Variants in DNAAF5 observed in about 807,000 individuals in gnomAD.
DNAAF5 encodes the protein HEAT repeat containing 2.
Under a neutral mutation model 75.8 loss-of-function variants are expected in DNAAF5, and 64 were observed. The ratio of observed to expected loss-of-function variants is 0.84; its 90% CI spans 0.69 to 1.04. The LOEUF (loss-of-function observed/expected upper bound fraction) is 1.04, where lower values mean the gene tolerates loss of function less well. Ranked by LOEUF, DNAAF5 falls within the 50% of genes least tolerant of loss-of-function variation. DNAAF5 has a pLI of 0.00. For synonymous variants in DNAAF5, 657 were observed against 557.2 expected, an observed-to-expected ratio of 1.18 and a Z score of -2.52; for missense variants, 1,269 against 1,178.5, an observed-to-expected ratio of 1.08 and a Z score of -1.12.
At chr7:782,065 T>C (rs1778967014) in intron 12 of DNAAF5, among the ~76,000 whole-genome samples, 1 of 152,198 alleles carries the variant, frequency 6.6e-6, no homozygotes, top group South Asian at 2.1e-4. Context: ...CGCAGCTGCG[T>C]CCGGTTTCCC....
chr7:757,305 T>C (rs1418657970), intron 6 of DNAAF5, among the ~76,000 whole-genome samples: 1 of 52,678 alleles, frequency 1.9e-5, no homozygotes, highest in Non-Finnish European at 4.5e-5. Context: ...GCCCCTTTCT[T>C]GGCCACACAC....
intron 4 of DNAAF5, among the ~76,000 whole-genome samples, chr7:752,561 A>G (rs959617248): frequency 1.3e-5 from 2 of 149,104 alleles, no homozygotes; most frequent in Non-Finnish European, 3.0e-5. Context: ...AAAAGACTGC[A>G]GAGTGACGAC....
At chr7:739,012 C>T (rs892413962) in intron 2 of DNAAF5, among the ~76,000 whole-genome samples, 3 of 152,218 alleles carry the variant, frequency 2.0e-5, no homozygotes, top group Admixed American at 1.3e-4. Flanking sequence ...CCCTGGACGC[C>T]TGCCCATCTC....
intron 1 of DNAAF5, chr7:727,794 C>T (rs1223965811): frequency 7.0e-6 from 1 of 143,776 alleles, no homozygotes; most frequent in Non-Finnish European, 1.5e-5. Flanking sequence ...CCGCGACCCT[C>T]ACCTCCCACC....
chr7:774,605 C>G (rs1181004345), intron 10 of DNAAF5, among the ~76,000 whole-genome samples: 1 of 152,188 alleles, frequency 6.6e-6, no homozygotes, highest in Non-Finnish European at 1.5e-5. Context: ...TGTCAGAAAA[C>G]AGACACTGAT....
chr7:750,134 C>T (rs956438108), intron 4 of DNAAF5, among the ~76,000 whole-genome samples: 2 of 152,190 alleles, frequency 1.3e-5, no homozygotes, highest in Non-Finnish European at 2.9e-5. Context: ...CATTGTGTTT[C>T]TCCTTTTTCT....
rs989072661 is a variant in DNAAF5, at chr7:764,062, C to T, written c.1783+88C>T. The T allele has an allele frequency of 5.6e-5, 79 of 1,416,102 alleles. 1 individual carries two copies. The African/African-American group carries it at 7.0e-4, about 13-fold the overall frequency. 87.7% of individuals were successfully genotyped at this position (1,416,102 alleles called of 1,614,324 possible). A position where few individuals can be genotyped will look rare whatever the true frequency, so the allele number is the denominator to read the frequency against. On this transcript the variant is annotated intron_variant, in intron 8 of 12. Transcript: ENST00000297440. Reference sequence around the variant, plus strand: ...CCAGGTGCTCAGCAGGTACCAGCGCCGACCAGCTGAGCTGTGGTTCACTGA... The same window carrying T: ...CCAGGTGCTCAGCAGGTACCAGCGCTGACCAGCTGAGCTGTGGTTCACTGA...
chr7:734,747 A>G (rs894994942), intron 2 of DNAAF5, among the ~76,000 whole-genome samples: 2 of 152,194 alleles, frequency 1.3e-5, no homozygotes, highest in African/African-American at 4.8e-5. Context: ...CTTCAATATC[A>G]TTACTTGTTA....
chr7:744,328 C>G (rs1337556491), intron 4 of DNAAF5, among the ~76,000 whole-genome samples: 1 of 152,008 alleles, frequency 6.6e-6, no homozygotes, highest in Non-Finnish European at 1.5e-5. Flanking sequence ...TTTTCTTAAT[C>G]CAGTCTATCA....
At chr7:739,685 C>G (rs1027153035) in intron 2 of DNAAF5, among the ~76,000 whole-genome samples, 1 of 152,192 alleles carries the variant, frequency 6.6e-6, no homozygotes, top group Non-Finnish European at 1.5e-5. Context: ...CTCACGGGAC[C>G]TTAGTGACGA....
At chr7:740,051 G>A (rs778671690) in intron 2 of DNAAF5, among the ~76,000 whole-genome samples, 1 of 152,254 alleles carries the variant, frequency 6.6e-6, no homozygotes, top group African/African-American at 2.4e-5. Flanking sequence ...CCTCACAGGG[G>A]ACAGCTCTGT....
chr7:781,972 T>G (rs1451689660), intron 12 of DNAAF5, among the ~76,000 whole-genome samples: 1 of 152,258 alleles, frequency 6.6e-6, no homozygotes, highest in Non-Finnish European at 1.5e-5. Context: ...TGCTCATTCT[T>G]CCCTTTGCTG....
chr7:727,280 G>A lies in DNAAF5; in HGVS notation c.560G>A (p.Cys187Tyr). The A allele has an allele frequency of 1.5e-6, 2 of 1,310,146 alleles. No individual in the cohort carries two copies. The highest frequency in any genetic ancestry group is 1.9e-6 in the Non-Finnish European group (2 of 1,033,646). 81.2% of individuals were successfully genotyped at this position (1,310,146 alleles called of 1,614,324 possible). Residue 187 changes from cysteine to tyrosine, a missense_variant, in exon 1 of 13, where the codon TGC becomes TAC. Physicochemically the swap from Cys to Tyr is radical, Grantham distance 194. Transcript: ENST00000297440. ...DPFAAVRRES[C>Y]SCAAALAQAT... is the part of the protein sequence containing the mutation. ...TTCGCCGCCGTGCGCCGCGAGAGCT[G>A]CAGCTGCGCCGCCGCCCTGGCGCAG... is the stretch of plus-strand genomic sequence containing the variant.
intron 4 of DNAAF5, among the ~76,000 whole-genome samples, chr7:744,643 G>A (rs1208379316): frequency 1.3e-5 from 2 of 152,198 alleles, no homozygotes; most frequent in Non-Finnish European, 2.9e-5. Flanking sequence ...TCATTAAAAA[G>A]TCAGGAAACA....
rs1782209331 is a variant in DNAAF5, at chr7:749,062, C to T, written c.1025-5527C>T. ...TATAATTTGTTGTTAGCTTTGCAGA[C>T]ACAGCGTAAGTTTCCATTAACAGCA... On this transcript the variant is annotated intron_variant, in intron 4 of 12. Coordinates refer to ENST00000297440, the MANE Select transcript of DNAAF5 (RefSeq NM_017802.4). Among the ~76,000 whole-genome samples, 3 of 152,162 alleles carry T rather than the reference C, an allele frequency of 2.0e-5. No individual in the cohort carries two copies. The South Asian group carries it at 6.2e-4, about 32-fold the overall frequency.
intron 12 of DNAAF5, among the ~76,000 whole-genome samples, chr7:781,830 A>T (rs1368320640): frequency 6.6e-6 from 1 of 152,086 alleles, no homozygotes; most frequent in Non-Finnish European, 1.5e-5. Flanking sequence ...ACCCATTTTT[A>T]ATTGGATTAT....
chr7:768,054 G>C (rs745482134), intron 8 of DNAAF5, among the ~76,000 whole-genome samples: 6 of 151,662 alleles, frequency 4.0e-5, no homozygotes, highest in Non-Finnish European at 7.4e-5. Flanking sequence ...GGGCAGACAC[G>C]TGGTCCGGGC....
Position 754,408 on chromosome 7 carries a change from C to T in DNAAF5, c.1025-181C>T, listed in dbSNP as rs1782417738. Among the ~76,000 whole-genome samples, 1 of 152,178 alleles carries T rather than the reference C, an allele frequency of 6.6e-6. No homozygotes were observed. The highest frequency in any genetic ancestry group is 1.5e-5 in the Non-Finnish European group (1 of 68,036). ...CCACAGGGCTAGGACTGCAGCCGTG[C>T]ACCGCCTCTGTGAATGTTCTGAACG... On this transcript the variant is annotated intron_variant, in intron 4 of 12. Coordinates refer to ENST00000297440, the MANE Select transcript of DNAAF5 (RefSeq NM_017802.4). This position sits in a 1 kb window ranked among gnomAD's most constrained non-coding sequence, Gnocchi z 4.8.
At chr7:756,647 C>G in intron 5 of DNAAF5, 135 bp from the exon 6 acceptor site, 2 of 765,288 alleles carry the variant, frequency 2.6e-6, no homozygotes, top group Non-Finnish European at 4.4e-6. Context: ...TGAGCATGTG[C>G]CAAGGACTCA....
Sources: allele counts gnomAD v4.1 joint callset (sites outside exome capture counted in the v4.1 genomes callset), GRCh38; gene constraint gnomAD v4.1.1; non-coding constraint Gnocchi (gnomAD v3.1); transcripts MANE v1.5; gene names NCBI Gene and HGNC (gene_info 2026-07-23, HGNC 2026-07-21).